The following BTBD17 variants were observed in gnomAD, a reference collection of about 807,000 sequenced individuals.
BTBD17 encodes BTB/POZ domain-containing protein 17.
In BTBD17, 26 loss-of-function variants were observed where a neutral mutation model predicts 36.9. The ratio of observed to expected loss-of-function variants is 0.70; its 90% CI spans 0.52 to 0.98. The LOEUF (loss-of-function observed/expected upper bound fraction) is 0.98, where lower values mean the gene tolerates loss of function less well. Ranked by LOEUF, BTBD17 falls within the 50% of genes least tolerant of loss-of-function variation. The probability of loss-of-function intolerance (pLI) is 0.00; values close to 1 mark genes in which losing one functional copy is unlikely to be tolerated. For missense variants in BTBD17, 630 were observed against 691.3 expected (o/e 0.91, Z 0.99); for synonymous variants, 341 against 338.0 (o/e 1.01, Z -0.10).
In BTBD17 at chr17:74,357,533, G is replaced by A; in HGVS notation, c.561C>T (p.Ser187=). The A allele has an allele frequency of 6.4e-7, 1 of 1,558,824 alleles. No individual in the cohort carries two copies. Among genetic ancestry groups the A allele is most frequent in the Non-Finnish European group, 8.6e-7 (1 of 1,159,288 alleles). The change falls in exon 3 of 3, where the codon AGC becomes AGT. Residue 187 remains serine (S), a synonymous_variant. Coordinates refer to ENST00000375366, the MANE Select transcript of BTBD17 (RefSeq NM_001080466.2). The surrounding 1 kb of genome is among the most constrained non-coding windows in gnomAD (Gnocchi z 8.4). The part of the protein sequence containing the change: ...VGTGDEALRE[S]CLQFLAWNLS... ...GGTTCCAGGCCAGGAACTGCAGGCA[G>A]CTCTCGCGCAGGGCCTCGTCCCCGG...
chr17:74,362,966 A>AGTGTG (rs367842231), upstream of BTBD17, among the ~76,000 whole-genome samples: 1 of 148,994 alleles, frequency 6.7e-6, no homozygotes, highest in Non-Finnish European at 1.5e-5. Flanking sequence ...GCGCGCGCGC[A>AGTGTG]TGTGTGTGTG....
intron 2 of BTBD17, 58 bp downstream of exon 2, chr17:74,359,911 G>A (rs962285573): frequency 3.9e-6 from 6 of 1,550,852 alleles, no homozygotes; most frequent in African/African-American, 1.4e-5. Context: ...CCCTGTAGGT[G>A]GAGGAGCCGG....
chr17:74,357,455 G>C lies in BTBD17; in HGVS notation c.639C>G (p.Leu213=). 1 of 1,580,778 alleles carries C rather than the reference G, an allele frequency of 6.3e-7. No homozygotes were observed. Among genetic ancestry groups the C allele is most frequent in the Non-Finnish European group, 8.5e-7 (1 of 1,171,960 alleles). The stretch of plus-strand genomic sequence containing the variant: ...GGTCCGAGCGTTGCAGGAGCTGCCA[G>C]AGCAGCTCGGGGCTCACGGCGCCCC... ...TEWGAVSPEL[L]WQLLQRSDLV... The change falls in exon 3 of 3, where the codon CTC becomes CTG. Residue 213 remains leucine (L), a synonymous_variant. Transcript: ENST00000375366. The surrounding 1 kb of genome is among the most constrained non-coding windows in gnomAD (Gnocchi z 8.4).
rs11547807 is a variant in BTBD17 at position 74,357,606 on chromosome 17, G to T, written c.488C>A (p.Ala163Glu). ...GCCCACCGCCGGGCCCGCGCCTCCC[G>T]CCAGGTGCGCGCGCATGTAGTCGGC... Reference protein sequence around the residue: ...GVADYMRAHLAGGAGPAVGWY... With the variant: ...GVADYMRAHLEGGAGPAVGWY... The change falls in exon 3 of 3, where the codon GCG becomes GAG. Residue 163 changes from alanine (A) to glutamate (E), a missense_variant. Transcript: ENST00000375366. The surrounding 1 kb of genome is among the most constrained non-coding windows in gnomAD (Gnocchi z 8.4). 170,323 of 1,549,594 alleles carry T rather than the reference G, an allele frequency of 0.11. 9,872 individuals are homozygous for T. The highest frequency in any genetic ancestry group is 0.13 in the Admixed American group (6,906 of 52,162).
Position 74,357,344 on chromosome 17 carries a change from C to T in BTBD17, c.750G>A (p.Arg250=). ...RARPPPAVAE[R]ALRAIRYPMI... ...TGGGGTAGCGTATGGCGCGCAGCGC[C>T]CGCTCGGCCACGGCAGGGGGCGGCC... The change falls in exon 3 of 3, where the codon CGG becomes CGA. Residue 250 remains arginine (R), a synonymous_variant. Coordinates refer to ENST00000375366, the MANE Select transcript of BTBD17 (RefSeq NM_001080466.2). This position sits in a 1 kb window ranked among gnomAD's most constrained non-coding sequence, Gnocchi z 8.4. 6.4e-7 allele frequency: 1 copy of T among 1,552,136 alleles called. No individual in the cohort carries two copies. Among genetic ancestry groups the T allele is most frequent in the Non-Finnish European group, 8.6e-7 (1 of 1,156,896 alleles).
rs754592789 is a variant in BTBD17 at position 74,361,832 on chromosome 17, C to A, written c.-13G>T. 1.2e-6 allele frequency: 2 copies of A among 1,610,556 alleles called. No homozygotes were observed. The highest frequency in any genetic ancestry group is 3.3e-5 in the Admixed American group (2 of 59,910). ...CTCTCCTAGGCATCTTTATGCTCAG[C>A]CCCCAAGTCCACTGGAGGGACGGTG... On this transcript the variant is annotated 5_prime_UTR_variant, in exon 1 of 3. Transcript: ENST00000375366.
chr17:74,357,822 A>C lies in BTBD17; in HGVS notation c.363-91T>G. ...AGAGTCCACAGGGGACCCGGCCTGG[A>C]GTTGGAGCTTCACTGTCCGGGTGCA... is the stretch of plus-strand genomic sequence containing the variant. On this transcript the variant is annotated intron_variant, in intron 2 of 2. Coordinates refer to ENST00000375366, the MANE Select transcript of BTBD17 (RefSeq NM_001080466.2). This position sits in a 1 kb window ranked among gnomAD's most constrained non-coding sequence, Gnocchi z 8.4. The C allele has an allele frequency of 9.7e-7, 1 of 1,028,012 alleles. No homozygotes were observed. Among genetic ancestry groups the C allele is most frequent in the South Asian group, 1.7e-5 (1 of 59,464 alleles). The allele number at this position is 1,028,012 out of a possible 1,614,324, so 63.7% of individuals were successfully genotyped here. A position where few individuals can be genotyped will look rare whatever the true frequency, so the allele number is the denominator to read the frequency against.
chr17:74,356,746 GCC>G lies in BTBD17; in HGVS notation c.1346_1347del (p.Arg449ProfsTer8), dbSNP rs771696205. 6.2e-7 allele frequency: 1 copy of G among 1,600,988 alleles called. No individual in the cohort carries two copies. The highest frequency in any genetic ancestry group is 1.1e-5 in the South Asian group (1 of 88,490). The stretch of plus-strand genomic sequence containing the variant: ...TTCTCAACCAGGTACTCGGAGTTGC[GCC>G]GCTGCAGGTCGGCGTGCGCCAGGAA... Reference protein sequence around the residue: ...GDFLAHADLQRRNSEYLVENA... With the variant: ...GDFLAHADLQXRNSEYLVENA... On this transcript the variant is annotated frameshift_variant, in exon 3 of 3. Transcript: ENST00000375366. LOFTEE classifies it high-confidence loss of function. The surrounding 1 kb of genome is among the most constrained non-coding windows in gnomAD (Gnocchi z 4.3).
chr17:74,360,082 G>A lies in BTBD17; in HGVS notation c.249C>T (p.His83=), dbSNP rs777090800. 3.1e-6 allele frequency: 5 copies of A among 1,613,212 alleles called. No homozygotes were observed. In the African/African-American group the frequency reaches 4.0e-5, roughly 13 times the overall value. Residue 83 remains histidine, a synonymous_variant, in exon 2 of 3, where the codon CAC becomes CAT. Coordinates refer to ENST00000375366, the MANE Select transcript of BTBD17 (RefSeq NM_001080466.2). The stretch of plus-strand genomic sequence containing the variant: ...CACTGTGCAGTCCCAGCAGCAGGCG[G>A]TGGGCGTGGAATACCCGGACCTCAT... ...GTDEVRVFHA[H]RLLLGLHSEL...
intron 1 of BTBD17, 48 bp downstream of exon 1, chr17:74,361,687 C>T (rs762339512): frequency 3.1e-5 from 47 of 1,524,470 alleles, no homozygotes; most frequent in African/African-American, 4.1e-5. Flanking sequence ...AGGGCTGGGA[C>T]GACCTGCCGC....
Position 74,357,034 on chromosome 17 carries a change from C to G in BTBD17, c.1060G>C (p.Val354Leu). 6.6e-7 allele frequency: 1 copy of G among 1,526,098 alleles called. No individual in the cohort carries two copies. Among genetic ancestry groups the G allele is most frequent in the Non-Finnish European group, 8.7e-7 (1 of 1,149,144 alleles). 94.5% of individuals were successfully genotyped at this position (1,526,098 alleles called of 1,614,324 possible). Residue 354 changes from valine to leucine, a missense_variant, in exon 3 of 3, where the codon GTC becomes CTC. By Grantham distance (32) the Val-to-Leu change is conservative. Coordinates refer to ENST00000375366, the MANE Select transcript of BTBD17 (RefSeq NM_001080466.2). The surrounding 1 kb of genome is among the most constrained non-coding windows in gnomAD (Gnocchi z 8.4). ...GPSGHDAGRR[V>L]TWNVLFSPRW... ...GGCGAGAAGAGCACGTTCCAGGTGA[C>G]CCGGCGGCCCGCGTCGTGGCCACTC...
rs2054903626 is a variant in BTBD17 at position 74,357,394 on chromosome 17, G to A, written c.700C>T (p.Leu234=). 5.1e-6 allele frequency: 8 copies of A among 1,573,166 alleles called. No individual in the cohort carries two copies. Among genetic ancestry groups the A allele is most frequent in the Non-Finnish European group, 6.8e-6 (8 of 1,168,466 alleles). Residue 234 remains leucine, a synonymous_variant, in exon 3 of 3, where the codon CTG becomes TTG. Coordinates refer to ENST00000375366, the MANE Select transcript of BTBD17 (RefSeq NM_001080466.2). The surrounding 1 kb of genome is among the most constrained non-coding windows in gnomAD (Gnocchi z 8.4). ...LQDELELFHA[L]EAWLGRARPP... ...CGCGCGCGACCCAGCCAGGCCTCCAGCGCGTGGAACAGCTCCAGTTCATCC... is the reference window on the plus strand; with the variant it reads ...CGCGCGCGACCCAGCCAGGCCTCCAACGCGTGGAACAGCTCCAGTTCATCC...
intron 2 of BTBD17, among the ~76,000 whole-genome samples, chr17:74,359,187 A>C (rs898349331): frequency 6.6e-6 from 1 of 152,188 alleles, no homozygotes; most frequent in African/African-American, 2.4e-5. Context: ...ACCTGGCCAA[A>C]CACCAAAACC....
In BTBD17 at chr17:74,357,458, C is replaced by T; in HGVS notation, c.636G>A (p.Leu212=). The change falls in exon 3 of 3, where the codon CTG becomes CTA. Residue 212 remains leucine, a synonymous_variant. Transcript: ENST00000375366. The surrounding 1 kb of genome is among the most constrained non-coding windows in gnomAD (Gnocchi z 8.4). ...CCGAGCGTTGCAGGAGCTGCCAGAG[C>T]AGCTCGGGGCTCACGGCGCCCCACT... ...STEWGAVSPE[L]LWQLLQRSDL... is the part of the protein sequence containing the mutation. 6.3e-7 allele frequency: 1 copy of T among 1,579,542 alleles called. No homozygotes were observed. Among genetic ancestry groups the T allele is most frequent in the Non-Finnish European group, 8.5e-7 (1 of 1,171,418 alleles).
intron 2 of BTBD17, among the ~76,000 whole-genome samples, chr17:74,358,899 A>G (rs3760198): frequency 0.38 from 58,299 of 152,102 alleles, 12,865 homozygotes; most frequent in Non-Finnish European, 0.49. Flanking sequence ...CTGCTGGTCA[A>G]TGGGCGCAGT....
chr17:74,359,985 A>G lies in BTBD17; in HGVS notation c.346T>C (p.Phe116Leu). Reference protein sequence around the residue: ...LQEPQDCAAVFDKFIRYLYCG... With the variant: ...LQEPQDCAAVLDKFIRYLYCG... ...CGTCCCCACCTGATGAACTTGTCGA[A>G]GACAGCGGCGCAGTCCTGTGGCTCC... The change falls in exon 2 of 3, where the codon TTC (phenylalanine) becomes CTC (leucine). Residue 116 changes from phenylalanine to leucine, a missense_variant. Phe to Leu is a conservative substitution (Grantham distance 22). Coordinates refer to ENST00000375366, the MANE Select transcript of BTBD17 (RefSeq NM_001080466.2). The G allele has an allele frequency of 6.2e-7, 1 of 1,608,752 alleles. No individual in the cohort carries two copies. Among genetic ancestry groups the G allele is most frequent in the Non-Finnish European group, 8.5e-7 (1 of 1,176,804 alleles).
Position 74,356,832 on chromosome 17 carries a change from C to G in BTBD17, c.1262G>C (p.Gly421Ala). The G allele has an allele frequency of 1.3e-6, 2 of 1,570,300 alleles. No homozygotes were observed. Among genetic ancestry groups the G allele is most frequent in the Non-Finnish European group, 1.7e-6 (2 of 1,164,328 alleles). The change falls in exon 3 of 3, where the codon GGC (glycine) becomes GCC (alanine). Residue 421 changes from glycine (G) to alanine (A), a missense_variant. Physicochemically the swap from Gly to Ala is moderately conservative, Grantham distance 60. Transcript: ENST00000375366. The surrounding 1 kb of genome is among the most constrained non-coding windows in gnomAD (Gnocchi z 4.3). ...KTVLVGARQQ[G>A]RLLVRHAYSF... ...GTAGGCGTGGCGGACCAGCAGGCGGCCCTGCTGGCGCGCCCCCACCAGCAC... is the reference window on the plus strand; with the variant it reads ...GTAGGCGTGGCGGACCAGCAGGCGGGCCTGCTGGCGCGCCCCCACCAGCAC...
chr17:74,362,966 A>ATGTGTGTG (rs1555626867), upstream of BTBD17, among the ~76,000 whole-genome samples: 46 of 149,080 alleles, frequency 3.1e-4, no homozygotes, highest in East Asian at 2.6e-3. Flanking sequence ...GCGCGCGCGC[A>ATGTGTGTG]TGTGTGTGTG....
At chr17:74,363,163 C>T (rs553729851), upstream of BTBD17, among the ~76,000 whole-genome samples, 177 of 152,218 alleles carry the variant, frequency 1.2e-3, no homozygotes, top group African/African-American at 4.1e-3. Flanking sequence ...CTCCCTGGCT[C>T]TCTGGATCCC....
Sources: allele counts gnomAD v4.1 joint callset (sites outside exome capture counted in the v4.1 genomes callset), GRCh38; gene constraint gnomAD v4.1.1; non-coding constraint Gnocchi (gnomAD v3.1); transcripts MANE v1.5; gene names NCBI Gene and HGNC (gene_info 2026-07-23, HGNC 2026-07-21).